The following BTBD9 variants were observed in gnomAD, a reference collection of about 807,000 sequenced individuals.
The protein encoded by BTBD9 is BTB domain containing 9.
Under a neutral mutation model 64.3 loss-of-function variants are expected in BTBD9, and 49 were observed. The ratio of observed to expected loss-of-function variants is 0.76; its 90% CI spans 0.61 to 0.97. BTBD9 has a LOEUF of 0.97. Among genes scored for constraint, BTBD9 ranks in the 50% least tolerant of loss-of-function variants. BTBD9 has a pLI of 0.00. For synonymous variants in BTBD9, 260 were observed against 274.7 expected (o/e 0.95, Z 0.53); for missense variants, 598 against 762.1 (o/e 0.78, Z 2.53).
chr6:38,409,885 A>G (rs1389738658), intron 6 of BTBD9, among the ~76,000 whole-genome samples: 1 of 152,082 alleles, frequency 6.6e-6, no homozygotes, highest in African/African-American at 2.4e-5. Flanking sequence ...GGGTGGTTGT[A>G]CAAGTGTGTG....
chr6:38,434,228 C>T (rs1460365776), intron 6 of BTBD9, among the ~76,000 whole-genome samples: 1 of 151,922 alleles, frequency 6.6e-6, no homozygotes, highest in Non-Finnish European at 1.5e-5. Context: ...TCCAGTTTCT[C>T]CCAACCCTGA....
chr6:38,409,211 C>A (rs1246969952), intron 6 of BTBD9, among the ~76,000 whole-genome samples: 1 of 152,146 alleles, frequency 6.6e-6, no homozygotes, highest in African/African-American at 2.4e-5. Flanking sequence ...CATCACATCA[C>A]TGCACTCCAG....
chr6:38,545,290 A>G (rs1042378216), intron 6 of BTBD9, among the ~76,000 whole-genome samples: 3 of 152,014 alleles, frequency 2.0e-5, no homozygotes, highest in African/African-American at 4.8e-5. Flanking sequence ...CAGGTTTCAC[A>G]CTGTTGGCCA....
chr6:38,372,606 C>G (rs893837926), intron 6 of BTBD9, among the ~76,000 whole-genome samples: 2 of 152,146 alleles, frequency 1.3e-5, no homozygotes, highest in African/African-American at 4.8e-5. Flanking sequence ...TTTACTTTCC[C>G]TTTTTAGGGG....
intron 6 of BTBD9, among the ~76,000 whole-genome samples, chr6:38,459,306 T>C (rs773815091): frequency 1.3e-5 from 2 of 152,140 alleles, no homozygotes; most frequent in Non-Finnish European, 2.9e-5. Context: ...GCGTGAGCCA[T>C]GTGCCTGGCT....
At chr6:38,441,863 C>T (rs1033383902) in intron 6 of BTBD9, among the ~76,000 whole-genome samples, 2 of 152,146 alleles carry the variant, frequency 1.3e-5, no homozygotes, top group Admixed American at 1.3e-4. Context: ...TCCAATTTTA[C>T]ATATGGCCCA....
At chr6:38,199,938 T>C (rs1762400990) in intron 9 of BTBD9, among the ~76,000 whole-genome samples, 1 of 152,210 alleles carries the variant, frequency 6.6e-6, no homozygotes, top group African/African-American at 2.4e-5. Context: ...GCTACCATCC[T>C]CGAGGCTTGG....
intron 1 of BTBD9, among the ~76,000 whole-genome samples, chr6:38,633,779 C>A (rs887023847): frequency 2.0e-5 from 3 of 151,852 alleles, no homozygotes; most frequent in Non-Finnish European, 2.9e-5. Flanking sequence ...TATCAAATTA[C>A]AAATTTGATT....
chr6:38,563,867 C>T (rs1047251329), intron 6 of BTBD9, among the ~76,000 whole-genome samples: 16 of 151,338 alleles, frequency 1.1e-4, no homozygotes, highest in African/African-American at 2.7e-4. Context: ...CTGCAAGCTC[C>T]GCCTCCCGGT....
At chr6:38,180,273 C>G (rs1761490552) in intron 10 of BTBD9, among the ~76,000 whole-genome samples, 1 of 152,234 alleles carries the variant, frequency 6.6e-6, no homozygotes, top group African/African-American at 2.4e-5. Context: ...CGTGGGGAAA[C>G]TGGCACCTTC....
At chr6:38,335,745 T>A (rs1763868554) in intron 7 of BTBD9, among the ~76,000 whole-genome samples, 2 of 150,698 alleles carry the variant, frequency 1.3e-5, no homozygotes, top group African/African-American at 5.0e-5. Context: ...TATTTATTTA[T>A]TTTTTTGAGA....
intron 6 of BTBD9, among the ~76,000 whole-genome samples, chr6:38,468,515 G>T (rs1213938326): frequency 1.3e-5 from 2 of 152,310 alleles, no homozygotes; most frequent in East Asian, 3.9e-4. Flanking sequence ...AACCTTCCCT[G>T]CAAATATGGG....
At chr6:38,523,837 TA>T (rs1773373265) in intron 6 of BTBD9, among the ~76,000 whole-genome samples, 1 of 152,200 alleles carries the variant, frequency 6.6e-6, no homozygotes, top group African/African-American at 2.4e-5. Context: ...ACAGAAAAGC[TA>T]AACAACTGCT....
In BTBD9 at chr6:38,205,153, T is replaced by C. The variant is rs565863351; in HGVS notation, c.1563-12556A>G. ...AAGAAATATGATGTTCCAGAGAAAA[T>C]ATGAGCTAGGAAAGTGCCAAAGTCA... On this transcript the variant is annotated intron_variant, in intron 9 of 10. Coordinates refer to ENST00000481247, the MANE Select transcript of BTBD9 (RefSeq NM_001099272.2). 3.9e-5 allele frequency among the ~76,000 whole-genome samples: 6 copies of C among 152,112 alleles called. No individual in the cohort carries two copies. The East Asian group carries it at 1.2e-3, about 29-fold the overall frequency.
At chr6:38,221,401 C>T (rs1435681888) in intron 9 of BTBD9, among the ~76,000 whole-genome samples, 2 of 152,154 alleles carry the variant, frequency 1.3e-5, no homozygotes, top group Non-Finnish European at 2.9e-5. Flanking sequence ...AAAGCCTCCC[C>T]CCAGGGAGCC....
chr6:38,534,836 C>T (rs1474642058), intron 6 of BTBD9, among the ~76,000 whole-genome samples: 2 of 151,990 alleles, frequency 1.3e-5, no homozygotes, highest in East Asian at 1.9e-4. Flanking sequence ...ATGAGAAGAA[C>T]CCTCAAGAAA....
intron 6 of BTBD9, among the ~76,000 whole-genome samples, chr6:38,421,113 T>C (rs1044692946): frequency 2.0e-5 from 3 of 151,894 alleles, no homozygotes; most frequent in Non-Finnish European, 2.9e-5. Context: ...TCCCAACACT[T>C]TGGGAGGCCG....
At position 38,386,007 on chromosome 6, in the gene BTBD9, T is replaced by C. The variant is rs982786567; in HGVS notation, c.1155-40914A>G. Among the ~76,000 whole-genome samples, 5 of 151,962 alleles carry C rather than the reference T, an allele frequency of 3.3e-5. 1 individual carries two copies. The highest frequency in any genetic ancestry group is 1.3e-4 in the Admixed American group (2 of 15,250). On this transcript the variant is annotated intron_variant, in intron 6 of 10. Coordinates refer to ENST00000481247, the MANE Select transcript of BTBD9 (RefSeq NM_001099272.2). ...GGTTTCGCTATGTTGGCCAGGCTGG[T>C]CTCAAAAAACTCCTGGCCTCAAGTG...
intron 6 of BTBD9, among the ~76,000 whole-genome samples, chr6:38,377,938 T>C (rs1765759604): frequency 1.3e-5 from 2 of 152,318 alleles, no homozygotes; most frequent in Admixed American, 6.5e-5. Context: ...TTTTAAAAGA[T>C]ACAGGTGCTG....
Sources: gnomAD v4.1 joint callset for allele counts (sites outside exome capture counted in the v4.1 genomes callset) on GRCh38, gnomAD v4.1.1 for gene constraint, MANE v1.5 for transcripts, NCBI Gene and HGNC (gene_info 2026-07-23, HGNC 2026-07-21) for gene names.